The following PDE10A variants were observed in gnomAD, a reference collection of about 807,000 sequenced individuals.
PDE10A encodes phosphodiesterase 10A.
PDE10A carries 39 observed loss-of-function variants against 97.7 expected under a neutral mutation model. That is an observed-to-expected ratio of 0.40 (90% CI 0.31 to 0.52). The LOEUF (loss-of-function observed/expected upper bound fraction) is 0.52. PDE10A is among the 20% of genes least tolerant of loss of function. The pLI, the probability that PDE10A is intolerant of heterozygous loss-of-function variation, is 0.56. For missense variants in PDE10A, 731 were observed against 1,047.8 expected (o/e 0.70, Z 4.17); for synonymous variants, 371 against 376.8 (o/e 0.98, Z 0.18).
At chr6:165,628,269 G>T (rs952730814) in intron 1 of PDE10A, among the ~76,000 whole-genome samples, 5 of 152,144 alleles carry the variant, frequency 3.3e-5, no homozygotes, top group African/African-American at 1.2e-4. Context: ...GATGTACTGA[G>T]GCTTAAATAA....
intron 1 of PDE10A, among the ~76,000 whole-genome samples, chr6:165,645,061 C>T (rs1789322053): frequency 6.6e-6 from 1 of 152,232 alleles, no homozygotes; most frequent in Non-Finnish European, 1.5e-5. Flanking sequence ...CTGGTTTCTG[C>T]CACAGCAGTG....
chr6:165,691,729 C>T (rs191781551), intron 1 of PDE10A, among the ~76,000 whole-genome samples: 1 of 152,338 alleles, frequency 6.6e-6, no homozygotes, highest in East Asian at 1.9e-4. Flanking sequence ...AGCCTCCAAG[C>T]CTGTTCCTCC....
chr6:165,802,919 C>T (rs1415160158), intron 1 of PDE10A, among the ~76,000 whole-genome samples: 2 of 152,226 alleles, frequency 1.3e-5, no homozygotes, highest in African/African-American at 4.8e-5. Flanking sequence ...GTACCACATA[C>T]AGCAACTTGT....
At chr6:165,450,863 G>A (rs931818050) in intron 3 of PDE10A, among the ~76,000 whole-genome samples, 1 of 152,088 alleles carries the variant, frequency 6.6e-6, no homozygotes, top group Non-Finnish European at 1.5e-5. Context: ...GCACCCGGCC[G>A]ACTTCTTATT....
At chr6:165,362,747 G>GACAAAT (rs1384972621) in intron 18 of PDE10A, among the ~76,000 whole-genome samples, 5 of 151,936 alleles carry the variant, frequency 3.3e-5, no homozygotes. Context: ...ACCAAAATAA[G>GACAAAT]ACAAATACCA....
At chr6:165,775,628 A>C (rs549421115) in intron 1 of PDE10A, 38 of 152,264 alleles carry the variant, frequency 2.5e-4, no homozygotes, top group African/African-American at 7.7e-4. Flanking sequence ...TGGAACAATA[A>C]ATTTTATTTC....
At chr6:165,942,303 T>TACAC (rs35207313) in intron 1 of PDE10A, among the ~76,000 whole-genome samples, 15 of 150,652 alleles carry the variant, frequency 1.0e-4, no homozygotes, top group African/African-American at 3.4e-4. Flanking sequence ...TATATATATA[T>TACAC]ACACACACAT....
chr6:165,437,305 C>T (rs1020050156), intron 5 of PDE10A, among the ~76,000 whole-genome samples: 3 of 152,040 alleles, frequency 2.0e-5, no homozygotes, highest in African/African-American at 2.4e-5. Flanking sequence ...TTATACATAG[C>T]TTCATAATCC....
chr6:165,919,582 T>C (rs1782697316), intron 1 of PDE10A, among the ~76,000 whole-genome samples: 1 of 152,234 alleles, frequency 6.6e-6, no homozygotes, highest in African/African-American at 2.4e-5. Flanking sequence ...TTCTTGCTCT[T>C]CCTCCTCTTC....
At chr6:165,837,711 A>G (rs1780104635) in intron 1 of PDE10A, among the ~76,000 whole-genome samples, 1 of 128,828 alleles carries the variant, frequency 7.8e-6, no homozygotes, top group Admixed American at 9.5e-5. Context: ...GGGAGAACAG[A>G]GTCTCACTCC....
intron 2 of PDE10A, among the ~76,000 whole-genome samples, chr6:165,542,187 A>G (rs1783481318): frequency 6.6e-6 from 1 of 152,240 alleles, no homozygotes; most frequent in Non-Finnish European, 1.5e-5. Context: ...TATAATTTAA[A>G]AAAAGTTGAA....
intron 1 of PDE10A, among the ~76,000 whole-genome samples, chr6:165,720,573 C>T (rs1478680563): frequency 1.3e-5 from 2 of 152,182 alleles, no homozygotes; most frequent in Non-Finnish European, 1.5e-5. Flanking sequence ...CATCAAATGT[C>T]CCTTGAGGTA....
intron 1 of PDE10A, among the ~76,000 whole-genome samples, chr6:165,931,503 T>G (rs1178011996): frequency 2.0e-5 from 3 of 152,230 alleles, no homozygotes; most frequent in Non-Finnish European, 4.4e-5. Flanking sequence ...GCAGAACTAA[T>G]TCTGTGGTTT....
intron 3 of PDE10A, among the ~76,000 whole-genome samples, chr6:165,451,459 C>A: frequency 6.6e-6 from 1 of 152,198 alleles, no homozygotes; most frequent in Non-Finnish European, 1.5e-5. Flanking sequence ...GGGCTTCCTA[C>A]TGCACTTGGA....
At chr6:165,703,355 T>A (rs1791628099) in intron 1 of PDE10A, among the ~76,000 whole-genome samples, 4 of 152,178 alleles carry the variant, frequency 2.6e-5, no homozygotes, top group Admixed American at 2.6e-4. Context: ...TAAACATGCA[T>A]GTCATTTCGC....
chr6:165,396,205 C>T (rs892324379), intron 14 of PDE10A, 112 bp downstream of exon 14: 23 of 925,386 alleles, frequency 2.5e-5, no homozygotes, highest in Non-Finnish European at 3.7e-5. Context: ...CATGAAACTC[C>T]ACATGTAATA....
At chr6:165,903,253 G>A (rs1782164325) in intron 1 of PDE10A, among the ~76,000 whole-genome samples, 1 of 152,194 alleles carries the variant, frequency 6.6e-6, no homozygotes, top group African/African-American at 2.4e-5. Flanking sequence ...ATTTCATATG[G>A]TTTCAGTTTT....
At chr6:165,902,873 G>A (rs117719621) in intron 1 of PDE10A, among the ~76,000 whole-genome samples, 227 of 152,348 alleles carry the variant, frequency 1.5e-3, no homozygotes, top group Non-Finnish European at 2.2e-3. Flanking sequence ...TCCTGGGTAC[G>A]TGAAGGAAAG....
rs552295684 is a variant in PDE10A at position 165,934,303 on chromosome 6, A to G, written c.-615+53226T>C. On this transcript the variant is annotated intron_variant, in intron 1 of 19. Coordinates refer to the PDE10A transcript ENST00000366882. ...GTGTGAGCCACTGCGCCCAGCCTCA[A>G]TCACCTGTTTTGAAGATTTGTCATC... is the stretch of plus-strand genomic sequence containing the variant. 3.3e-5 allele frequency among the ~76,000 whole-genome samples: 5 copies of G among 151,810 alleles called. No homozygotes were observed. The South Asian group carries it at 1.0e-3, about 32-fold the overall frequency.
Sources: gnomAD v4.1 joint callset for allele counts (sites outside exome capture counted in the v4.1 genomes callset) on GRCh38, gnomAD v4.1.1 for gene constraint, MANE v1.5 for transcripts, NCBI Gene and HGNC (gene_info 2026-07-23, HGNC 2026-07-21) for gene names.